Variants in MALT1 observed in about 807,000 individuals in gnomAD.
MALT1 encodes MALT1 paracaspase, also known as mucosa-associated lymphoid tissue lymphoma translocation protein 1.
In MALT1, 36 loss-of-function variants were observed where a neutral mutation model predicts 85.5. That is an observed-to-expected ratio of 0.42 (90% confidence interval 0.32 to 0.56). The LOEUF (loss-of-function observed/expected upper bound fraction) is 0.56, where lower values mean the gene tolerates loss of function less well. Among genes scored for constraint, MALT1 ranks in the 20% least tolerant of loss-of-function variants. The pLI, the probability that MALT1 is intolerant of heterozygous loss-of-function variation, is 0.10. For missense variants in MALT1, 716 were observed against 981.6 expected, an observed-to-expected ratio of 0.73 and a Z score of 3.62; for synonymous variants, 359 against 361.3, an observed-to-expected ratio of 0.99 and a Z score of 0.07.
rs529296389 is a variant in MALT1, at chr18:58,729,358, G to A, written c.1223-4039G>A. On this transcript the variant is annotated intron_variant, in intron 10 of 16. Transcript: ENST00000649217. ...TACAAAATTGGCTGGGCATGGTGGC[G>A]TATGCCTGTAATCCCAGCTACCCGG... is the stretch of plus-strand genomic sequence containing the variant. 2.3e-3 allele frequency among the ~76,000 whole-genome samples: 339 copies of A among 149,824 alleles called. 2 individuals are homozygous for A. The highest frequency in any genetic ancestry group is 7.8e-3 in the African/African-American group (308 of 39,416).
chr18:58,740,352 T>A (rs1040395045), intron 13 of MALT1, among the ~76,000 whole-genome samples: 5 of 151,988 alleles, frequency 3.3e-5, no homozygotes, highest in Admixed American at 1.3e-4. Context: ...TTTATTTATG[T>A]CTTGCCTTGC....
intron 10 of MALT1, among the ~76,000 whole-genome samples, chr18:58,725,268 AC>A (rs1406759547): frequency 9.2e-5 from 14 of 152,220 alleles, no homozygotes; most frequent in African/African-American, 3.4e-4. Flanking sequence ...GTTGCAGTGA[AC>A]CAAGATCACA....
At chr18:58,678,021 A>T (rs764831134) in intron 1 of MALT1, among the ~76,000 whole-genome samples, 24 of 152,218 alleles carry the variant, frequency 1.6e-4, no homozygotes, top group Non-Finnish European at 3.1e-4. Context: ...ATTGCATAAT[A>T]AGAGCTAACC....
At chr18:58,707,167 A>C (rs1462897290) in intron 4 of MALT1, among the ~76,000 whole-genome samples, 1 of 151,664 alleles carries the variant, frequency 6.6e-6, no homozygotes, top group African/African-American at 2.4e-5. Context: ...TGATATTTTA[A>C]ATTTCTGTTA....
At chr18:58,722,398 A>C (rs1482445516) in intron 9 of MALT1, among the ~76,000 whole-genome samples, 1 of 152,208 alleles carries the variant, frequency 6.6e-6, no homozygotes, top group African/African-American at 2.4e-5. Context: ...CAAAAAATGA[A>C]CTTTTAAGGT....
intron 14 of MALT1, 66 bp from the exon 15 acceptor site, chr18:58,744,272 C>T: frequency 9.7e-7 from 1 of 1,027,126 alleles, no homozygotes; most frequent in Non-Finnish European, 1.4e-6. Context: ...CTATATTCTC[C>T]TCCATAAATA....
At chr18:58,709,794 G>A (rs138671814) in intron 5 of MALT1, among the ~76,000 whole-genome samples, 182 bp from the exon 6 acceptor site, 1 of 152,306 alleles carries the variant, frequency 6.6e-6, no homozygotes, top group East Asian at 1.9e-4. Flanking sequence ...ACTCAGCACT[G>A]TTGGAATCAT....
At chr18:58,725,141 AAATAG>A (rs1234577094) in intron 10 of MALT1, among the ~76,000 whole-genome samples, 4 of 151,616 alleles carry the variant, frequency 2.6e-5, no homozygotes, top group Non-Finnish European at 5.9e-5. Flanking sequence ...AAAAAAAAAA[AAATAG>A]AATAAAATAA....
chr18:58,721,444 T>TA, intron 9 of MALT1, among the ~76,000 whole-genome samples: 1 of 152,328 alleles, frequency 6.6e-6, no homozygotes, highest in Non-Finnish European at 1.5e-5. Context: ...CCATGCTGAG[T>TA]ATTCTCCGCT....
chr18:58,739,924 T>A (rs1206877344), intron 13 of MALT1, among the ~76,000 whole-genome samples: 4 of 152,336 alleles, frequency 2.6e-5, no homozygotes, highest in African/African-American at 9.6e-5. Context: ...CTGGGAACTT[T>A]TGTATAAATT....
intron 9 of MALT1, among the ~76,000 whole-genome samples, chr18:58,720,996 T>A (rs901149570): frequency 2.0e-5 from 3 of 152,232 alleles, no homozygotes; most frequent in Non-Finnish European, 4.4e-5. Context: ...ATAGCATTGA[T>A]GGACTCAAAA....
At chr18:58,729,817 G>A (rs1400917872) in intron 10 of MALT1, among the ~76,000 whole-genome samples, 2 of 152,174 alleles carry the variant, frequency 1.3e-5, no homozygotes, top group African/African-American at 4.8e-5. Context: ...AAAGATTAGT[G>A]TCATTATGAT....
chr18:58,692,449 C>CCT (rs1568129482), intron 2 of MALT1, among the ~76,000 whole-genome samples: 2 of 37,354 alleles, frequency 5.4e-5, no homozygotes, highest in East Asian at 6.8e-4. Flanking sequence ...TCTCTCCCTC[C>CCT]CTCCCTCCCT....
At chr18:58,671,938 G>T in intron 1 of MALT1, 86 bp downstream of exon 1, 1 of 979,036 alleles carries the variant, frequency 1.0e-6, no homozygotes. Context: ...CGGTGGGGCT[G>T]AGCGCGGCGG....
rs919101714 is a variant in MALT1, at chr18:58,671,691, C to T, written c.48C>T (p.Ala16=). The T allele has an allele frequency of 8.0e-7, 1 of 1,254,192 alleles. No individual in the cohort carries two copies. Among genetic ancestry groups the T allele is most frequent in the Non-Finnish European group, 1.0e-6 (1 of 1,001,060 alleles). The allele number at this position is 1,254,192 out of a possible 1,614,324, so 77.7% of individuals were successfully genotyped here. The change falls in exon 1 of 17, where the codon GCC becomes GCT. Residue 16 remains alanine (A), a synonymous_variant. Coordinates refer to ENST00000649217, the MANE Select transcript of MALT1 (RefSeq NM_006785.4). ...DPLQALPPSA[A]PTGPLLAPPA... ...TACAGGCCCTGCCGCCCTCGGCCGC[C>T]CCCACGGGGCCGCTGCTCGCCCCTC...
At chr18:58,711,327 TTGTC>T (rs1227926148) in intron 7 of MALT1, among the ~76,000 whole-genome samples, 4 of 152,242 alleles carry the variant, frequency 2.6e-5, no homozygotes, top group Non-Finnish European at 5.9e-5. Context: ...TTAGATTATT[TTGTC>T]TGTCCTTTAG....
At chr18:58,710,466 G>T (rs750879748) in intron 6 of MALT1, among the ~76,000 whole-genome samples, 6 of 152,076 alleles carry the variant, frequency 3.9e-5, no homozygotes, top group African/African-American at 9.7e-5. Context: ...TGGTGGTTCA[G>T]TTGAGCCCAG....
In MALT1 at chr18:58,730,935, T is replaced by G. The variant is rs1017242589; in HGVS notation, c.1223-2462T>G. On this transcript the variant is annotated intron_variant, in intron 10 of 16. Coordinates refer to ENST00000649217, the MANE Select transcript of MALT1 (RefSeq NM_006785.4). ...TTGGAGAAGCATCAGATCCTTTGCC[T>G]ATTTTTAAATCAAGTCATTAGTCTT... 3.3e-5 allele frequency among the ~76,000 whole-genome samples: 5 copies of G among 152,318 alleles called. No homozygotes were observed. The South Asian group carries it at 1.0e-3, about 32-fold the overall frequency.
intron 4 of MALT1, among the ~76,000 whole-genome samples, chr18:58,707,463 G>A (rs913461449): frequency 1.3e-5 from 2 of 150,602 alleles, no homozygotes; most frequent in South Asian, 4.2e-4. Context: ...TTTGGGATAC[G>A]TGTACAGAAC....
Sources: gnomAD v4.1 joint callset for allele counts (sites outside exome capture counted in the v4.1 genomes callset) on GRCh38, gnomAD v4.1.1 for gene constraint, MANE v1.5 for transcripts, NCBI Gene and HGNC (gene_info 2026-07-23, HGNC 2026-07-21) for gene names.